The following TACC3 variants were observed in gnomAD, a reference collection of about 807,000 sequenced individuals.
The protein encoded by TACC3 is transforming acidic coiled-coil containing protein 3.
TACC3 carries 52 observed loss-of-function variants against 86.0 expected under a neutral mutation model. That is an observed-to-expected ratio of 0.60 (90% CI 0.48 to 0.76). The LOEUF is 0.76. Among genes scored for constraint, TACC3 ranks in the 30% least tolerant of loss-of-function variants. The pLI is 0.00. For missense variants in TACC3, 1,120 were observed against 1,070.4 expected, an observed-to-expected ratio of 1.05 and a Z score of -0.65; for synonymous variants, 512 against 430.0, an observed-to-expected ratio of 1.19 and a Z score of -2.36.
In TACC3 at chr4:1,728,411, A is replaced by G; in HGVS notation, c.1009A>G (p.Lys337Glu). Residue 337 changes from lysine to glutamate, a missense_variant, in exon 4 of 16, where the codon AAA (lysine) becomes GAA (glutamate). Lys to Glu is a moderately conservative substitution (Grantham distance 56). Transcript: ENST00000313288. Reference sequence around the variant, plus strand: ...CAGCTCCTCGAGGAGCGGACCTGTAAAACTAGAATTTGATGTATCTGATGG... The same window carrying G: ...CAGCTCCTCGAGGAGCGGACCTGTAGAACTAGAATTTGATGTATCTGATGG... ...MASSSRSGPV[K>E]LEFDVSDGAT... 1 of 1,613,422 alleles carries G rather than the reference A, an allele frequency of 6.2e-7. No individual in the cohort carries two copies. Among genetic ancestry groups the G allele is most frequent in the Non-Finnish European group, 8.5e-7 (1 of 1,180,010 alleles).
chr4:1,730,174 G>A lies in TACC3; in HGVS notation c.1386-713G>A, dbSNP rs541196687. Among the ~76,000 whole-genome samples, 19 of 152,300 alleles carry A rather than the reference G, an allele frequency of 1.2e-4. No homozygotes were observed. In the South Asian group the frequency reaches 2.7e-3, roughly 22 times the overall value. ...CTGCCTCAGCCTCCCGAGTAGCTGG[G>A]ACTGCAGGCACCCGCCACCATGCCC... On this transcript the variant is annotated intron_variant, in intron 4 of 15. Transcript: ENST00000313288.
At chr4:1,737,567 T>C in intron 9 of TACC3, 31 bp from the exon 10 acceptor site, 1 of 1,467,780 alleles carries the variant, frequency 6.8e-7, no homozygotes, top group Non-Finnish European at 9.1e-7. Context: ...AAGGGCGAAA[T>C]GGGTTCCTGT....
intron 10 of TACC3, chr4:1,738,231 AC>A (rs1443341634): frequency 7.4e-6 from 2 of 271,822 alleles, no homozygotes; most frequent in African/African-American, 4.4e-5. Context: ...GTCTGCAGGC[AC>A]CACTGTGAGC....
intron 4 of TACC3, among the ~76,000 whole-genome samples, chr4:1,729,784 C>G (rs1717906533): frequency 6.6e-6 from 1 of 152,180 alleles, no homozygotes; most frequent in South Asian, 2.1e-4. Flanking sequence ...AGAGTCTTCT[C>G]TAACTCCCCC....
Position 1,744,854 on chromosome 4 carries a change from C to G in TACC3, c.2451+22C>G, listed in dbSNP as rs761739867. The G allele has an allele frequency of 7.4e-6, 12 of 1,612,916 alleles. No homozygotes were observed. In the South Asian group the frequency reaches 8.8e-5, roughly 12 times the overall value. ...GAAGGTGGGTGCGGGAAGCCCAGCT[C>G]AAGGGGCCGTCTGGCAGCACCTTCT... On this transcript the variant is annotated intron_variant, in intron 15 of 15. Transcript: ENST00000313288.
At position 1,723,926 on chromosome 4, in the gene TACC3, C is replaced by G. The variant is rs76574905; in HGVS notation, c.305+56C>G. ...GCTTCACCCTCTCTGTCCGATGGTT[C>G]TTGCAGGAAAGTGCTGTCTTGTTCT... On this transcript the variant is annotated intron_variant, in intron 3 of 15. Coordinates refer to ENST00000313288, the MANE Select transcript of TACC3 (RefSeq NM_006342.3). The G allele has an allele frequency of 5.1e-4, 803 of 1,581,664 alleles. 4 individuals are homozygous for G. In the African/African-American group the frequency reaches 9.6e-3, roughly 19 times the overall value.
intron 1 of TACC3, 58 bp from the exon 2 acceptor site, chr4:1,723,363 T>A (rs1717514032): frequency 6.4e-7 from 1 of 1,569,940 alleles, no homozygotes; most frequent in African/African-American, 1.3e-5. Flanking sequence ...CACGTCTGTG[T>A]CTGGACAATG....
chr4:1,744,925 C>A (rs755516935), intron 15 of TACC3, 23 bp from the exon 16 acceptor site: 8 of 1,611,636 alleles, frequency 5.0e-6, no homozygotes, highest in Non-Finnish European at 6.8e-6. Context: ...GGAGAAGCCC[C>A]GCAACTCATC....
upstream of TACC3, chr4:1,721,100 C>T (rs1223424180): frequency 3.7e-6 from 1 of 268,380 alleles, no homozygotes; most frequent in Non-Finnish European, 6.8e-6. Flanking sequence ...CATGGAGTCC[C>T]GCCGCTCGGC....
At chr4:1,724,921 C>T (rs1002249799) in intron 3 of TACC3, among the ~76,000 whole-genome samples, 8 of 128,630 alleles carry the variant, frequency 6.2e-5, no homozygotes, top group South Asian at 2.6e-4. Context: ...CCACCATGCC[C>T]GGCCAATTTT....
At chr4:1,737,937 C>T (rs781113689) in intron 10 of TACC3, 15 of 632,970 alleles carry the variant, frequency 2.4e-5, no homozygotes, top group African/African-American at 7.2e-5. Flanking sequence ...GCAGCCTCCC[C>T]GGGACTCTCC....
intron 10 of TACC3, chr4:1,738,132 T>A: frequency 2.9e-6 from 1 of 349,544 alleles, no homozygotes; most frequent in Non-Finnish European, 5.7e-6. Context: ...TCTCCCTCCA[T>A]CCTCACTGTA....
intron 3 of TACC3, among the ~76,000 whole-genome samples, chr4:1,724,159 A>G (rs1464623096): frequency 2.0e-5 from 3 of 150,548 alleles, no homozygotes; most frequent in African/African-American, 7.3e-5. Context: ...TTAGTAAAGA[A>G]GGGGTTTCAC....
In TACC3 at chr4:1,724,104, G is replaced by A. The variant is rs568177413; in HGVS notation, c.305+234G>A. Among the ~76,000 whole-genome samples the A allele has an allele frequency of 6.6e-5, 10 of 152,226 alleles. No homozygotes were observed. The East Asian group carries it at 1.5e-3, about 24-fold the overall frequency. On this transcript the variant is annotated intron_variant, in intron 3 of 15. Coordinates refer to ENST00000313288, the MANE Select transcript of TACC3 (RefSeq NM_006342.3). The stretch of plus-strand genomic sequence containing the variant: ...CTGCCTCAGCCTTCCAAGTAGCTGG[G>A]ACTACAGGCGCCTGCCACCACGCCC...
At chr4:1,740,125 G>A (rs1577224312) in intron 12 of TACC3, 123 bp downstream of exon 12, 1 of 966,268 alleles carries the variant, frequency 1.0e-6, no homozygotes, top group East Asian at 2.4e-5. Context: ...TAACACACGA[G>A]TCCCTTCAAC....
intron 3 of TACC3, among the ~76,000 whole-genome samples, chr4:1,724,323 G>A (rs181875930): frequency 6.6e-6 from 1 of 151,168 alleles, no homozygotes; most frequent in African/African-American, 2.4e-5. Flanking sequence ...GCAGCATATG[G>A]CCAGTTCACT....
At chr4:1,736,681 G>T (rs1718282050) in intron 8 of TACC3, among the ~76,000 whole-genome samples, 1 of 152,032 alleles carries the variant, frequency 6.6e-6, no homozygotes, top group Non-Finnish European at 1.5e-5. Flanking sequence ...GGCTGAGGCG[G>T]GTGGATCGCC....
chr4:1,736,762 T>C (rs1718287407), intron 8 of TACC3, among the ~76,000 whole-genome samples: 1 of 151,924 alleles, frequency 6.6e-6, no homozygotes, highest in African/African-American at 2.4e-5. Context: ...TAACAAAAAT[T>C]AGCCGGGTGA....
At chr4:1,742,137 C>T (rs1384868561) in intron 13 of TACC3, 2 of 152,282 alleles carry the variant, frequency 1.3e-5, no homozygotes, top group Admixed American at 1.3e-4. Context: ...GATAGACCCA[C>T]AGGAGCCCCA....
Sources: allele counts gnomAD v4.1 joint callset (sites outside exome capture counted in the v4.1 genomes callset), GRCh38; gene constraint gnomAD v4.1.1; transcripts MANE v1.5; gene names NCBI Gene and HGNC (gene_info 2026-07-23, HGNC 2026-07-21).